Variants in B3GLCT observed in about 807,000 individuals in gnomAD.
B3GLCT encodes beta 3-glucosyltransferase.
In B3GLCT, 65 loss-of-function variants were observed where a neutral mutation model predicts 63.4. The observed-to-expected ratio is 1.03, with a 90% confidence interval of 0.84 to 1.26. The LOEUF (loss-of-function observed/expected upper bound fraction) is 1.26, where lower values mean the gene tolerates loss of function less well. Among genes scored for constraint, B3GLCT ranks in the 50% most tolerant of loss-of-function variants. The pLI, the probability that B3GLCT is intolerant of heterozygous loss-of-function variation, is 0.00. For synonymous variants in B3GLCT, 233 were observed against 219.2 expected (o/e 1.06, Z -0.55); for missense variants, 577 against 604.8 (o/e 0.95, Z 0.48).
At chr13:31,237,112 C>T (rs1330035656) in intron 4 of B3GLCT, among the ~76,000 whole-genome samples, 4 of 133,474 alleles carry the variant, frequency 3.0e-5, no homozygotes, top group East Asian at 4.3e-4. Context: ...GGCAACAGAG[C>T]GAGACTCCAT....
At chr13:31,271,265 A>T (rs560037377) in intron 8 of B3GLCT, among the ~76,000 whole-genome samples, 31 of 152,342 alleles carry the variant, frequency 2.0e-4, no homozygotes, top group African/African-American at 7.5e-4. Flanking sequence ...TAACTGTTCT[A>T]ATTTGAGACT....
At chr13:31,286,872 T>G in intron 12 of B3GLCT, 53 bp downstream of exon 12, 1 of 1,271,208 alleles carries the variant, frequency 7.9e-7, no homozygotes, top group Non-Finnish European at 1.1e-6. Context: ...ATATTCATAT[T>G]CAAAAAACTA....
intron 1 of B3GLCT, among the ~76,000 whole-genome samples, chr13:31,201,887 G>A (rs1230814419): frequency 6.6e-6 from 1 of 152,162 alleles, no homozygotes; most frequent in Non-Finnish European, 1.5e-5. Flanking sequence ...CAATAAATAA[G>A]ACATAAAATG....
intron 6 of B3GLCT, among the ~76,000 whole-genome samples, chr13:31,256,543 C>T (rs555859531): frequency 6.6e-6 from 1 of 152,234 alleles, no homozygotes; most frequent in Non-Finnish European, 1.5e-5. Context: ...CAGTGATAGA[C>T]TGGATAAAGA....
chr13:31,254,627 C>T (rs1212006182), intron 6 of B3GLCT, among the ~76,000 whole-genome samples: 3 of 152,184 alleles, frequency 2.0e-5, no homozygotes, highest in Non-Finnish European at 2.9e-5. Flanking sequence ...TTCCTCACCA[C>T]TCTTATTCAA....
chr13:31,271,245 C>T (rs1872563598), intron 8 of B3GLCT, among the ~76,000 whole-genome samples: 1 of 152,272 alleles, frequency 6.6e-6, no homozygotes, highest in African/African-American at 2.4e-5. Flanking sequence ...TCTCCCACCT[C>T]TATCACAAAT....
intron 13 of B3GLCT, among the ~76,000 whole-genome samples, chr13:31,322,234 G>A (rs1254894980): frequency 6.6e-6 from 1 of 152,262 alleles, no homozygotes; most frequent in Non-Finnish European, 1.5e-5. Context: ...CCTCGGAAGA[G>A]GCCGCAGGCA....
At chr13:31,206,686 A>C (rs1868973519) in intron 1 of B3GLCT, among the ~76,000 whole-genome samples, 1 of 150,896 alleles carries the variant, frequency 6.6e-6, no homozygotes, top group African/African-American at 2.4e-5. Context: ...GCAGTGAGCC[A>C]AGATCATGCC....
intron 4 of B3GLCT, 82 bp from the exon 5 acceptor site, chr13:31,246,941 C>A: frequency 9.9e-7 from 1 of 1,007,198 alleles, no homozygotes; most frequent in Non-Finnish European, 1.4e-6. Context: ...TTTTTCTTTT[C>A]TTTTCTTTTC....
chr13:31,286,736 A>G lies in B3GLCT; in HGVS notation c.981A>G (p.Thr327=), dbSNP rs1873352767. 6.2e-7 allele frequency: 1 copy of G among 1,612,600 alleles called. No individual in the cohort carries two copies. Among genetic ancestry groups the G allele is most frequent in the Non-Finnish European group, 8.5e-7 (1 of 1,178,756 alleles). The part of the protein sequence containing the change: ...PNTDRGHCGK[T]FAILERFLNR... ...CTTTTCTAGGTCATTGTGGAAAGACATTTGCCATTTTGGAAAGATTTCTGA... is the reference window on the plus strand; with the variant it reads ...CTTTTCTAGGTCATTGTGGAAAGACGTTTGCCATTTTGGAAAGATTTCTGA... Residue 327 remains threonine, a synonymous_variant, in exon 12 of 15, where the codon ACA becomes ACG. Transcript: ENST00000343307.
intron 13 of B3GLCT, among the ~76,000 whole-genome samples, chr13:31,319,863 A>C (rs1248655709): frequency 6.6e-6 from 1 of 152,214 alleles, no homozygotes; most frequent in African/African-American, 2.4e-5. Flanking sequence ...CTCTCAGGGA[A>C]AACATTGGCA....
intron 4 of B3GLCT, among the ~76,000 whole-genome samples, chr13:31,237,064 C>T (rs372470244): frequency 6.6e-6 from 1 of 150,904 alleles, no homozygotes; most frequent in Admixed American, 6.6e-5. Context: ...AGGCGGAGGT[C>T]GCAGTGACCC....
At chr13:31,326,060 T>C (rs1454522591) in intron 14 of B3GLCT, among the ~76,000 whole-genome samples, 2 of 152,164 alleles carry the variant, frequency 1.3e-5, no homozygotes, top group Non-Finnish European at 1.5e-5. Flanking sequence ...TGTGCAATGA[T>C]TGGTGGTTGC....
chr13:31,294,378 T>C (rs959035439), intron 12 of B3GLCT, among the ~76,000 whole-genome samples: 1 of 152,338 alleles, frequency 6.6e-6, no homozygotes, highest in East Asian at 1.9e-4. Flanking sequence ...TTGGGGAAGT[T>C]CTCTTGGATA....
At chr13:31,276,433 TC>T (rs1316672575) in intron 9 of B3GLCT, among the ~76,000 whole-genome samples, 2 of 152,176 alleles carry the variant, frequency 1.3e-5, no homozygotes, top group African/African-American at 2.4e-5. Context: ...TATTTTTTTT[TC>T]TAAACAAGCA....
intron 12 of B3GLCT, among the ~76,000 whole-genome samples, chr13:31,304,625 T>C (rs1370537133): frequency 2.5e-4 from 12 of 47,082 alleles, no homozygotes; most frequent in African/African-American, 9.0e-4. Context: ...CAAGAGGAGC[T>C]AACTATCCTA....
intron 4 of B3GLCT, among the ~76,000 whole-genome samples, chr13:31,240,478 CTTTTTTTTT>C (rs56020130): frequency 1.4e-5 from 2 of 138,870 alleles, no homozygotes; most frequent in Non-Finnish European, 3.1e-5. Context: ...TTTTTTTTTT[CTTTTTTTTT>C]TTTTATATTA....
chr13:31,214,816 T>G (rs1219403438), intron 1 of B3GLCT, among the ~76,000 whole-genome samples: 1 of 152,262 alleles, frequency 6.6e-6, no homozygotes, highest in African/African-American at 2.4e-5. Flanking sequence ...TTGTCTGATG[T>G]ACTGTTTCTT....
chr13:31,266,087 C>T (rs1872295789), intron 7 of B3GLCT, among the ~76,000 whole-genome samples: 1 of 152,082 alleles, frequency 6.6e-6, no homozygotes, highest in Non-Finnish European at 1.5e-5. Flanking sequence ...CAAGTTCCAC[C>T]CCCGGGTTCA....
Sources: gnomAD v4.1 joint callset for allele counts (sites outside exome capture counted in the v4.1 genomes callset) on GRCh38, gnomAD v4.1.1 for gene constraint, MANE v1.5 for transcripts, NCBI Gene and HGNC (gene_info 2026-07-23, HGNC 2026-07-21) for gene names.